DPH1: variants seen among roughly 807,000 people sequenced by gnomAD.
DPH1 encodes diphthamide biosynthesis 1, also known as 2-(3-amino-3-carboxypropyl)histidine synthase subunit 1.
Under a neutral mutation model 55.3 loss-of-function variants are expected in DPH1, and 59 were observed. The ratio of observed to expected loss-of-function variants is 1.07; its 90% CI spans 0.87 to 1.33. The LOEUF (loss-of-function observed/expected upper bound fraction) is 1.33, where lower values mean the gene tolerates loss of function less well. DPH1 is among the 40% of genes most tolerant of loss of function. DPH1 has a pLI of 0.00. For synonymous variants in DPH1, 238 were observed against 235.5 expected (o/e 1.01, Z -0.10); for missense variants, 628 against 584.8 (o/e 1.07, Z -0.76).
rs769815382 is a variant in DPH1, at chr17:2,041,653, C to T, written c.1227+32C>T. ...GGGGGCTTCCAGGAGGGAGGAGAGACCGCGCCTGGGCACTGGCCGCCGCCC... is the reference window on the plus strand; with the variant it reads ...GGGGGCTTCCAGGAGGGAGGAGAGATCGCGCCTGGGCACTGGCCGCCGCCC... On this transcript the variant is annotated intron_variant, in intron 11 of 12. Transcript: ENST00000263083. 8 of 1,591,830 alleles carry T rather than the reference C, an allele frequency of 5.0e-6. No homozygotes were observed. In the African/African-American group the frequency reaches 8.1e-5, roughly 16 times the overall value.
At position 2,042,993 on chromosome 17, in the gene DPH1, C is replaced by G; in HGVS notation, c.*407C>G. The G allele has an allele frequency of 6.2e-7, 1 of 1,613,982 alleles. No individual in the cohort carries two copies. The highest frequency in any genetic ancestry group is 1.1e-5 in the South Asian group (1 of 91,082). Reference sequence around the variant, plus strand: ...CCTCTCAGGAGAGTGTGCAACTGGCCAGCCAATTTCCCGGAGCCATCACCC... The same window carrying G: ...CCTCTCAGGAGAGTGTGCAACTGGCGAGCCAATTTCCCGGAGCCATCACCC... On this transcript the variant is annotated 3_prime_UTR_variant, in exon 13 of 13. Transcript: ENST00000263083.
In DPH1 at chr17:2,036,945, G is replaced by A. The variant is rs1264010089; in HGVS notation, c.669G>A (p.Val223=). Residue 223 remains valine (V), a synonymous_variant, in exon 6 of 13, where the codon GTG becomes GTA. Transcript: ENST00000263083. This position sits in a 1 kb window ranked among gnomAD's most constrained non-coding sequence, Gnocchi z 4.8. ...GCTSPRLSKE[V]EAVVYLGDGR... ...CATCCCCCCGACTGTCCAAAGAGGTGGAGGCCGTTGTGTAAGTTAAAAATG... is the reference window on the plus strand; with the variant it reads ...CATCCCCCCGACTGTCCAAAGAGGTAGAGGCCGTTGTGTAAGTTAAAAATG... 1 of 1,613,306 alleles carries A rather than the reference G, an allele frequency of 6.2e-7. No individual in the cohort carries two copies. Among genetic ancestry groups the A allele is most frequent in the Non-Finnish European group, 8.5e-7 (1 of 1,179,782 alleles).
intron 9 of DPH1, 35 bp downstream of exon 9, chr17:2,040,640 G>A (rs2151354684): frequency 6.2e-7 from 1 of 1,607,838 alleles, no homozygotes; most frequent in African/African-American, 1.3e-5. Context: ...GGCTAAAGAA[G>A]CTTAGAAGCT....
At chr17:2,032,780 G>A (rs2067348170) in intron 1 of DPH1, among the ~76,000 whole-genome samples, 1 of 152,214 alleles carries the variant, frequency 6.6e-6, no homozygotes, top group South Asian at 2.1e-4. Context: ...GTCTCGCTCT[G>A]TTGCCCAGGC....
Position 2,033,548 on chromosome 17 carries a change from G to T in DPH1, c.105G>T (p.Glu35Asp). The T allele has an allele frequency of 1.9e-6, 3 of 1,614,186 alleles. No homozygotes were observed. The highest frequency in any genetic ancestry group is 2.5e-6 in the Non-Finnish European group (3 of 1,180,040). ...GCGTGGCCAATCAGATCCCCCCTGA[G>T]ATCCTGAAGAACCCTCAGCTGCAGG... ...RGRVANQIPP[E>D]ILKNPQLQAA... The change falls in exon 2 of 13, where the codon GAG becomes GAT. Residue 35 changes from glutamate (E) to aspartate (D), a missense_variant. By Grantham distance (45) the Glu-to-Asp change is conservative. Transcript: ENST00000263083.
chr17:2,036,176 C>T lies in DPH1; in HGVS notation c.400+85C>T, dbSNP rs948258395. 8.6e-5 allele frequency: 134 copies of T among 1,550,636 alleles called. 2 individuals carry two copies. The highest frequency in any genetic ancestry group is 2.8e-5 in the Non-Finnish European group (32 of 1,147,542). On this transcript the variant is annotated intron_variant, in intron 4 of 12. Transcript: ENST00000263083. The surrounding 1 kb of genome is among the most constrained non-coding windows in gnomAD (Gnocchi z 4.8). ...TTCATCTTCCCCATGGCAGTGCCTT[C>T]TTGTCCTGCTTGGAGACACAAGGTC...
At chr17:2,034,202 G>T (rs1004440943) in intron 3 of DPH1, among the ~76,000 whole-genome samples, 18 of 152,084 alleles carry the variant, frequency 1.2e-4, no homozygotes, top group African/African-American at 4.1e-4. Context: ...GAGGTCTGCC[G>T]GTCGGGGGCG....
rs745797930 is a variant in DPH1 at position 2,033,541 on chromosome 17, C to T, written c.98C>T (p.Pro33Leu). 31 of 1,614,082 alleles carry T rather than the reference C, an allele frequency of 1.9e-5. No homozygotes were observed. The highest frequency in any genetic ancestry group is 2.5e-5 in the Non-Finnish European group (29 of 1,180,060). ...APRGRVANQIPPEILKNPQLQ... is the reference protein window; with the variant it reads ...APRGRVANQILPEILKNPQLQ... ...CGGGGCCGCGTGGCCAATCAGATCC[C>T]CCCTGAGATCCTGAAGAACCCTCAG... Residue 33 changes from proline (P) to leucine (L), a missense_variant, in exon 2 of 13, where the codon CCC (proline) becomes CTC (leucine). Coordinates refer to ENST00000263083, the MANE Select transcript of DPH1 (RefSeq NM_001383.6).
Position 2,043,181 on chromosome 17 carries a change from C to A in DPH1, c.*595C>A. On this transcript the variant is annotated 3_prime_UTR_variant, in exon 13 of 13. Coordinates refer to ENST00000263083, the MANE Select transcript of DPH1 (RefSeq NM_001383.6). ...CCGTCATCCATGCCCTCCCAGGACC[C>A]TCCACTCACTGCTGTGAGTGCGCCT... 6.7e-7 allele frequency: 1 copy of A among 1,502,040 alleles called. No individual in the cohort carries two copies. Among genetic ancestry groups the A allele is most frequent in the Admixed American group, 1.8e-5 (1 of 54,116 alleles). 93.0% of individuals were successfully genotyped at this position (1,502,040 alleles called of 1,614,324 possible). A position where few individuals can be genotyped will look rare whatever the true frequency, so the allele number is the denominator to read the frequency against.
At chr17:2,039,725 C>G in intron 6 of DPH1, 30 bp from the exon 7 acceptor site, 1 of 1,614,008 alleles carries the variant, frequency 6.2e-7, no homozygotes, top group South Asian at 1.1e-5. Flanking sequence ...CTGCCCTAAA[C>G]CACACTTAGC....
intron 10 of DPH1, 65 bp downstream of exon 10, chr17:2,041,246 G>C: frequency 6.5e-7 from 1 of 1,548,146 alleles, no homozygotes; most frequent in Non-Finnish European, 8.8e-7. Context: ...GTCTGGAGTG[G>C]AGTGGGGTGG....
Position 2,042,600 on chromosome 17 carries a change from T to C in DPH1, c.*19-5T>C. 1 of 1,514,668 alleles carries C rather than the reference T, an allele frequency of 6.6e-7. No homozygotes were observed. The highest frequency in any genetic ancestry group is 8.8e-7 in the Non-Finnish European group (1 of 1,133,750). The allele number at this position is 1,514,668 out of a possible 1,614,324, so 93.8% of individuals were successfully genotyped here. ...ATCCCATCCTTTTTCCTCATATCGCTGTAGGGTCCTGCCCTCCGGAGGAGC... is the reference window on the plus strand; with the variant it reads ...ATCCCATCCTTTTTCCTCATATCGCCGTAGGGTCCTGCCCTCCGGAGGAGC... On this transcript the variant is annotated splice_polypyrimidine_tract_variant and splice_region_variant and intron_variant, in intron 12 of 12. Transcript: ENST00000263083.
rs371007597 is a variant in DPH1, at chr17:2,030,159, G to A, written c.-11G>A. 55 of 1,601,758 alleles carry A rather than the reference G, an allele frequency of 3.4e-5. No individual in the cohort carries two copies. In the African/African-American group the frequency reaches 5.3e-4, roughly 16 times the overall value. On this transcript the variant is annotated 5_prime_UTR_variant, in exon 1 of 13. Transcript: ENST00000263083. Reference sequence around the variant, plus strand: ...GCGCTGTCTTTTTAGTACCACATGCGCAGGCAGGTGATGGCGGCGCTGGTC... The same window carrying A: ...GCGCTGTCTTTTTAGTACCACATGCACAGGCAGGTGATGGCGGCGCTGGTC...
At chr17:2,038,533 C>T (rs2067461011) in intron 6 of DPH1, among the ~76,000 whole-genome samples, 1 of 152,198 alleles carries the variant, frequency 6.6e-6, no homozygotes, top group South Asian at 2.1e-4. Flanking sequence ...TGAGCTCCGC[C>T]TCCTGTCAGA....
intron 1 of DPH1, 82 bp from the exon 2 acceptor site, chr17:2,033,423 G>A (rs758321310): frequency 1.2e-6 from 2 of 1,602,826 alleles, no homozygotes; most frequent in Non-Finnish European, 1.7e-6. Flanking sequence ...GCACCGGCAG[G>A]CCCTGAAAAG....
Position 2,041,804 on chromosome 17 carries a change from G to A in DPH1, c.1264G>A (p.Ala422Thr). 1 of 1,606,738 alleles carries A rather than the reference G, an allele frequency of 6.2e-7. No homozygotes were observed. Among genetic ancestry groups the A allele is most frequent in the African/African-American group, 1.3e-5 (1 of 74,812 alleles). ...EGSARPPSAV[A>T]CEDCSCRDEK... ...GTCCGCGCGTCCCCCTTCGGCCGTGGCTTGCGAGGACTGCAGCTGCAGGGA... is the reference window on the plus strand; with the variant it reads ...GTCCGCGCGTCCCCCTTCGGCCGTGACTTGCGAGGACTGCAGCTGCAGGGA... Residue 422 changes from alanine to threonine, a missense_variant, in exon 12 of 13, where the codon GCT becomes ACT. Ala to Thr is a moderately conservative substitution (Grantham distance 58, BLOSUM62 0). Transcript: ENST00000263083.
intron 1 of DPH1, 69 bp from the exon 2 acceptor site, chr17:2,033,436 A>T (rs1466932808): frequency 6.2e-7 from 1 of 1,609,224 alleles, no homozygotes; most frequent in African/African-American, 1.3e-5. Flanking sequence ...CTGAAAAGGG[A>T]TCCCTATTCC....
Position 2,036,720 on chromosome 17 carries a change from G to A in DPH1, c.558+34G>A, listed in dbSNP as rs528202224. ...AACGAGGATCCTCGGCCTCCTGCAG[G>A]GTGGACAGCGGCCACTCTCCAGCTG... On this transcript the variant is annotated intron_variant, in intron 5 of 12. Transcript: ENST00000263083. The surrounding 1 kb of genome is among the most constrained non-coding windows in gnomAD (Gnocchi z 4.8). 2 of 1,611,898 alleles carry A rather than the reference G, an allele frequency of 1.2e-6. No individual in the cohort carries two copies. The highest frequency in any genetic ancestry group is 2.2e-5 in the South Asian group (2 of 90,996).
At chr17:2,042,431 C>A (rs2067556671) in intron 12 of DPH1, 174 bp from the exon 13 acceptor site, 1 of 1,253,950 alleles carries the variant, frequency 8.0e-7, no homozygotes, top group African/African-American at 1.6e-5. Flanking sequence ...CGTCTTCCTC[C>A]GCTGTCTCCT....
Sources: gnomAD v4.1 joint callset for allele counts (sites outside exome capture counted in the v4.1 genomes callset) on GRCh38, gnomAD v4.1.1 for gene constraint, Gnocchi (gnomAD v3.1) non-coding constraint, MANE v1.5 for transcripts, NCBI Gene and HGNC (gene_info 2026-07-23, HGNC 2026-07-21) for gene names.